Variants in NOSIP observed in about 807,000 individuals in gnomAD.
NOSIP encodes the protein nitric oxide synthase interacting protein.
A neutral mutation model predicts 36.4 loss-of-function variants in NOSIP; 25 were observed. That is an observed-to-expected ratio of 0.69 (90% CI 0.50 to 0.96). The LOEUF is 0.96. Among genes scored for constraint, NOSIP ranks in the 40% least tolerant of loss-of-function variants. The pLI, the probability that NOSIP is intolerant of heterozygous loss-of-function variation, is 0.00. For missense variants in NOSIP, 370 were observed against 429.0 expected (o/e 0.86, Z 1.21); for synonymous variants, 187 against 179.2 (o/e 1.04, Z -0.35).
chr19:49,578,115 C>T (rs7258960), intron 1 of NOSIP, among the ~76,000 whole-genome samples: 14,946 of 151,890 alleles, frequency 0.098, 1,846 homozygotes, highest in African/African-American at 0.28. Flanking sequence ...TTAGGTAAAT[C>T]ATATCCCACT....
At chr19:49,559,720 C>T in intron 3 of NOSIP, 1 of 578,152 alleles carries the variant, frequency 1.7e-6, no homozygotes, top group Non-Finnish European at 3.1e-6. Flanking sequence ...CCCTACACCC[C>T]ATTAGAAGTA....
intron 1 of NOSIP, among the ~76,000 whole-genome samples, chr19:49,568,798 G>T (rs1461189022): frequency 9.4e-5 from 10 of 106,894 alleles, no homozygotes; most frequent in South Asian, 5.3e-4. Context: ...AAAAAAAATA[G>T]TTTGTTTGTT....
At chr19:49,578,146 G>T (rs185055513) in intron 1 of NOSIP, among the ~76,000 whole-genome samples, 1 of 151,198 alleles carries the variant, frequency 6.6e-6, no homozygotes, top group Admixed American at 6.6e-5. Context: ...TTTTTTGAGA[G>T]GGAGTTATGC....
chr19:49,568,222 G>C (rs1330180675), intron 1 of NOSIP, among the ~76,000 whole-genome samples: 1 of 152,154 alleles, frequency 6.6e-6, no homozygotes, highest in Non-Finnish European at 1.5e-5. Context: ...CCAAAAATAT[G>C]GCAGTTGACC....
At chr19:49,564,574 C>T (rs1006619058) in intron 1 of NOSIP, among the ~76,000 whole-genome samples, 1 of 152,014 alleles carries the variant, frequency 6.6e-6, no homozygotes, top group African/African-American at 2.4e-5. Context: ...CTAGAACCCT[C>T]GTGCACTGCT....
intron 8 of NOSIP, 118 bp from the exon 9 acceptor site, chr19:49,555,940 GT>G (rs2080231854): frequency 1.4e-6 from 1 of 720,946 alleles, no homozygotes. Flanking sequence ...TGGCTAAGGA[GT>G]AGGAGTTGGG....
chr19:49,576,875 ACT>A (rs1266542949), intron 1 of NOSIP, among the ~76,000 whole-genome samples: 2 of 140,204 alleles, frequency 1.4e-5, no homozygotes, highest in African/African-American at 2.8e-5. Flanking sequence ...CAAGAGTGAA[ACT>A]CTGTCTCAAA....
intron 1 of NOSIP, among the ~76,000 whole-genome samples, chr19:49,576,822 C>G (rs769904794): frequency 7.3e-6 from 1 of 136,754 alleles, no homozygotes; most frequent in Non-Finnish European, 1.5e-5. Context: ...AGGCGAAGGT[C>G]GTGATGAGCC....
At chr19:49,574,384 G>T (rs2080524655) in intron 1 of NOSIP, among the ~76,000 whole-genome samples, 1 of 152,154 alleles carries the variant, frequency 6.6e-6, no homozygotes, top group South Asian at 2.1e-4. Context: ...GCAACCTCTG[G>T]TGAAATAGCT....
At chr19:49,576,876 C>A (rs2080560173) in intron 1 of NOSIP, among the ~76,000 whole-genome samples, 2 of 114,906 alleles carry the variant, frequency 1.7e-5, no homozygotes, top group Admixed American at 1.0e-4. Context: ...AAGAGTGAAA[C>A]TCTGTCTCAA....
chr19:49,556,314 T>TA lies in NOSIP; in HGVS notation c.834+2dup. On this transcript the variant is annotated splice_region_variant and intron_variant, in intron 8 of 8. Coordinates refer to ENST00000596358, the MANE Select transcript of NOSIP (RefSeq NM_001270960.2). The stretch of plus-strand genomic sequence containing the variant: ...GGGGGAAGGGGAGGGGTGGGACTCT[T>TA]ACCCGCTGCAGCACGATGATGTCGC... 1.9e-6 allele frequency: 3 copies of TA among 1,604,950 alleles called. No individual in the cohort carries two copies. Among genetic ancestry groups the TA allele is most frequent in the Non-Finnish European group, 2.6e-6 (3 of 1,174,912 alleles).
rs2080613515 is a variant in NOSIP, at chr19:49,580,536, C to G, written c.-23G>C. The G allele has an allele frequency of 6.6e-6, 1 of 152,238 alleles. No homozygotes were observed. Among genetic ancestry groups the G allele is most frequent in the Non-Finnish European group, 1.5e-5 (1 of 68,114 alleles). The allele number at this position is 152,238 out of a possible 1,614,324, so 9.4% of individuals were successfully genotyped here. A position where few individuals can be genotyped will look rare whatever the true frequency, so the allele number is the denominator to read the frequency against. ...TCACCTCACTAACGACTCCCAGTCCCTCGGTCGCTTCTTCAACTGTGCCCC... is the reference window on the plus strand; with the variant it reads ...TCACCTCACTAACGACTCCCAGTCCGTCGGTCGCTTCTTCAACTGTGCCCC... On this transcript the variant is annotated 5_prime_UTR_variant, in exon 1 of 9. Transcript: ENST00000596358.
At chr19:49,575,846 A>G (rs12610368) in intron 1 of NOSIP, among the ~76,000 whole-genome samples, 1 of 152,192 alleles carries the variant, frequency 6.6e-6, no homozygotes, top group African/African-American at 2.4e-5. Context: ...AACGTTAAAA[A>G]CCAGGCCAGG....
chr19:49,560,581 GAC>G lies in NOSIP; in HGVS notation c.70+39_70+40del. 6.7e-7 allele frequency: 1 copy of G among 1,501,980 alleles called. No individual in the cohort carries two copies. Among genetic ancestry groups the G allele is most frequent in the Non-Finnish European group, 9.1e-7 (1 of 1,099,138 alleles). The allele number at this position is 1,501,980 out of a possible 1,614,324, so 93.0% of individuals were successfully genotyped here. On this transcript the variant is annotated intron_variant, in intron 2 of 8. Coordinates refer to ENST00000596358, the MANE Select transcript of NOSIP (RefSeq NM_001270960.2). The surrounding 1 kb of genome is among the most constrained non-coding windows in gnomAD (Gnocchi z 4.6). The stretch of plus-strand genomic sequence containing the variant: ...GCACGAGGGGAGAGGGTGACTCCAA[GAC>G]ACAGCCATGTCCCGCCTCTTCCCAC...
chr19:49,555,875 T>A (rs1206408419), intron 8 of NOSIP, 53 bp from the exon 9 acceptor site: 1 of 1,360,224 alleles, frequency 7.4e-7, no homozygotes, highest in East Asian at 2.3e-5. Context: ...GGGTGACCAG[T>A]GGGGCTCCAG....
At chr19:49,562,885 A>AAGAAG (rs1054186441) in intron 1 of NOSIP, among the ~76,000 whole-genome samples, 3 of 152,142 alleles carry the variant, frequency 2.0e-5, no homozygotes, top group Admixed American at 2.0e-4. Context: ...TCAAAAGAAA[A>AAGAAG]AGAAGAGAAG....
chr19:49,571,105 T>C (rs959945117), intron 1 of NOSIP, among the ~76,000 whole-genome samples: 2 of 151,698 alleles, frequency 1.3e-5, no homozygotes, highest in Non-Finnish European at 2.9e-5. Context: ...GACTCCCAAG[T>C]AGCTGAGATA....
intron 1 of NOSIP, among the ~76,000 whole-genome samples, chr19:49,571,282 G>A (rs1485033666): frequency 6.6e-6 from 1 of 151,580 alleles, no homozygotes; most frequent in East Asian, 1.9e-4. Context: ...CACTGCACCC[G>A]GCAAACTCTT....
chr19:49,562,893 A>G (rs1200185252), intron 1 of NOSIP, among the ~76,000 whole-genome samples: 1 of 152,106 alleles, frequency 6.6e-6, no homozygotes, highest in Non-Finnish European at 1.5e-5. Context: ...AAAAGAAGAG[A>G]AGAGAGAAGA....
Sources: gnomAD v4.1 joint callset for allele counts (sites outside exome capture counted in the v4.1 genomes callset) on GRCh38, gnomAD v4.1.1 for gene constraint, Gnocchi (gnomAD v3.1) non-coding constraint, MANE v1.5 for transcripts, NCBI Gene and HGNC (gene_info 2026-07-23, HGNC 2026-07-21) for gene names.